The following PHAF1 variants were observed in gnomAD, a reference collection of about 807,000 sequenced individuals.
PHAF1 encodes phagophore assembly factor 1, also known as phagosome assembly factor 1.
A neutral mutation model predicts 63.1 loss-of-function variants in PHAF1; 23 were observed. The ratio of observed to expected loss-of-function variants is 0.36; its 90% confidence interval spans 0.26 to 0.52. The LOEUF is 0.52. Ranked by LOEUF, PHAF1 falls within the 20% of genes least tolerant of loss-of-function variation. PHAF1 has a pLI of 0.93. For synonymous variants in PHAF1, 167 were observed against 185.0 expected (o/e 0.90, Z 0.79); for missense variants, 427 against 517.2 (o/e 0.83, Z 1.69).
chr16:67,122,975 C>G (rs1380913467), intron 2 of PHAF1, among the ~76,000 whole-genome samples: 1 of 151,844 alleles, frequency 6.6e-6, no homozygotes, highest in African/African-American at 2.4e-5. Flanking sequence ...GTGATCCGCC[C>G]GTCTTGTCCT....
chr16:67,136,429 G>A (rs1054121719), intron 8 of PHAF1: 1 of 152,126 alleles, frequency 6.6e-6, no homozygotes, highest in Non-Finnish European at 1.5e-5. Context: ...GTGCTTAACG[G>A]GACTGGGAGC....
intron 3 of PHAF1, among the ~76,000 whole-genome samples, chr16:67,128,001 G>A (rs1963255069): frequency 1.3e-5 from 2 of 152,304 alleles, no homozygotes; most frequent in African/African-American, 4.8e-5. Context: ...TAAAATCACA[G>A]CATGGTGAAG....
At chr16:67,119,095 A>G (rs1458921959) in intron 1 of PHAF1, among the ~76,000 whole-genome samples, 2 of 152,166 alleles carry the variant, frequency 1.3e-5, no homozygotes, top group Non-Finnish European at 2.9e-5. Flanking sequence ...AACTTTTAAA[A>G]TTGTTCCTTA....
Position 67,134,432 on chromosome 16 carries a change from G to T in PHAF1, c.626G>T (p.Gly209Val), listed in dbSNP as rs1963533863. 6 of 1,613,674 alleles carry T rather than the reference G, an allele frequency of 3.7e-6. No homozygotes were observed. The highest frequency in any genetic ancestry group is 5.1e-6 in the Non-Finnish European group (6 of 1,179,836). Residue 209 changes from glycine to valine, a missense_variant, in exon 8 of 16, where the codon GGA becomes GTA. Physicochemically the swap from Gly to Val is moderately radical, Grantham distance 109. Transcript: ENST00000219139. ...GTAGATGTTCTTCGAGATGGAACTG[G>T]ACCTGCAGGTTTACGACTTCGCCTA... ...ESVDVLRDGT[G>V]PAGLRLRLLA...
chr16:67,130,170 C>A (rs1240632162), intron 3 of PHAF1, among the ~76,000 whole-genome samples: 1 of 151,790 alleles, frequency 6.6e-6, no homozygotes, highest in East Asian at 1.9e-4. Flanking sequence ...CCTCAGCCTC[C>A]TCAGTAGCTG....
At chr16:67,142,547 C>T (rs1963853669) in intron 10 of PHAF1, among the ~76,000 whole-genome samples, 2 of 152,250 alleles carry the variant, frequency 1.3e-5, no homozygotes, top group Non-Finnish European at 2.9e-5. Context: ...CAGTGCTGCC[C>T]TGAGTGCGTG....
chr16:67,144,948 G>A, intron 12 of PHAF1, 71 bp downstream of exon 12: 1 of 1,553,094 alleles, frequency 6.4e-7, no homozygotes, highest in Non-Finnish European at 8.9e-7. Context: ...AAGGGAGAAA[G>A]ATCGAAGCAG....
rs755959945 is a variant in PHAF1 at position 67,140,124 on chromosome 16, G to A, written c.795+7G>A. The A allele has an allele frequency of 6.4e-5, 103 of 1,613,204 alleles. No homozygotes were observed. In the Admixed American group the frequency reaches 1.6e-3, roughly 25 times the overall value. On this transcript the variant is annotated splice_region_variant and intron_variant, in intron 9 of 15. Coordinates refer to ENST00000219139, the MANE Select transcript of PHAF1 (RefSeq NM_025187.5). Reference sequence around the variant, plus strand: ...CTATAAATCAGAAGACAAGGTAGGGGAATTATGTTGCAGTCTCCTCCTTTT... The same window carrying A: ...CTATAAATCAGAAGACAAGGTAGGGAAATTATGTTGCAGTCTCCTCCTTTT...
intron 1 of PHAF1, among the ~76,000 whole-genome samples, chr16:67,119,091 T>C (rs1962871550): frequency 6.6e-6 from 1 of 152,170 alleles, no homozygotes; most frequent in Non-Finnish European, 1.5e-5. Context: ...TTTAAACTTT[T>C]AAAATTGTTC....
intron 15 of PHAF1, 95 bp from the exon 16 acceptor site, chr16:67,146,950 G>A: frequency 8.7e-7 from 1 of 1,146,844 alleles, no homozygotes; most frequent in Non-Finnish European, 1.3e-6. Context: ...GCCATTAGGT[G>A]CAGGTATGTC....
chr16:67,131,389 T>A, intron 4 of PHAF1, 60 bp downstream of exon 4: 6 of 1,184,934 alleles, frequency 5.1e-6, no homozygotes, highest in Non-Finnish European at 6.0e-6. Flanking sequence ...ATATCTACTA[T>A]CTTCATAAGT....
intron 12 of PHAF1, among the ~76,000 whole-genome samples, chr16:67,145,134 CA>C (rs2029929724): frequency 1.3e-5 from 2 of 152,076 alleles, no homozygotes; most frequent in East Asian, 1.9e-4. Flanking sequence ...GATGATCATC[CA>C]GGGGGCCCCA....
chr16:67,146,665 C>A (rs1301071029), intron 15 of PHAF1, among the ~76,000 whole-genome samples: 3 of 152,200 alleles, frequency 2.0e-5, no homozygotes, highest in African/African-American at 7.2e-5. Flanking sequence ...GCAAGTGGGG[C>A]CCAGCAGAGG....
intron 10 of PHAF1, 56 bp downstream of exon 10, chr16:67,140,650 C>T: frequency 7.8e-7 from 1 of 1,274,446 alleles, no homozygotes; most frequent in East Asian, 2.3e-5. Context: ...GGCAGTGCAT[C>T]TTTGCAGATC....
At chr16:67,136,529 G>T (rs12597880) in intron 8 of PHAF1, among the ~76,000 whole-genome samples, 37,336 of 137,746 alleles carry the variant, frequency 0.27, 5,858 homozygotes, top group Middle Eastern at 0.45. Flanking sequence ...TTGGGTTCCT[G>T]CATCAGTCTC....
chr16:67,145,552 C>T lies in PHAF1; in HGVS notation c.1051-18C>T, dbSNP rs910525167. 3.1e-6 allele frequency: 5 copies of T among 1,613,956 alleles called. No individual in the cohort carries two copies. The African/African-American group carries it at 5.3e-5, about 17-fold the overall frequency. On this transcript the variant is annotated intron_variant, in intron 13 of 15. Transcript: ENST00000219139. The stretch of plus-strand genomic sequence containing the variant: ...TCATGTCCCTACTAACCCCTGCTCC[C>T]CTCTATCCCTCTTGCAGTGGGACAA...
chr16:67,140,171 T>C (rs1963754887), intron 9 of PHAF1, 54 bp downstream of exon 9: 23 of 1,571,648 alleles, frequency 1.5e-5, no homozygotes, highest in Non-Finnish European at 2.0e-5. Flanking sequence ...ACTAATTTAA[T>C]ATTGAGTATA....
intron 10 of PHAF1, among the ~76,000 whole-genome samples, chr16:67,141,702 T>C (rs1597215515): frequency 6.6e-6 from 1 of 151,920 alleles, no homozygotes; most frequent in South Asian, 2.1e-4. Flanking sequence ...CACGTAAGGG[T>C]GAGGCTAGAT....
rs1365504603 is a variant in PHAF1, at chr16:67,147,607, T to C, written c.*476T>C. The C allele has an allele frequency of 1.3e-5, 2 of 155,064 alleles. No homozygotes were observed. The highest frequency in any genetic ancestry group is 2.9e-5 in the Non-Finnish European group (2 of 69,712). The allele number at this position is 155,064 out of a possible 1,614,324, so 9.6% of individuals were successfully genotyped here. On this transcript the variant is annotated 3_prime_UTR_variant, in exon 16 of 16. Transcript: ENST00000219139. ...TGCGACATTTGCACTACATCCACTT[T>C]AGTTACTTGATGAGCTGGCTGTGGC... is the stretch of plus-strand genomic sequence containing the variant.
Sources: gnomAD v4.1 joint callset for allele counts (sites outside exome capture counted in the v4.1 genomes callset) on GRCh38, gnomAD v4.1.1 for gene constraint, MANE v1.5 for transcripts, NCBI Gene and HGNC (gene_info 2026-07-23, HGNC 2026-07-21) for gene names.